CDK15: variants seen among roughly 807,000 people sequenced by gnomAD.
CDK15 encodes the protein cyclin dependent kinase 15.
CDK15 carries 62 observed loss-of-function variants against 60.3 expected under a neutral mutation model. The observed-to-expected ratio is 1.03, with a 90% CI of 0.84 to 1.27. The LOEUF is 1.27. Among genes scored for constraint, CDK15 ranks in the 50% most tolerant of loss-of-function variants. The pLI is 0.00. For synonymous variants in CDK15, 194 were observed against 195.7 expected (o/e 0.99, Z 0.07); for missense variants, 541 against 527.8 (o/e 1.03, Z -0.25).
At chr2:201,878,644 T>C (rs1699166903) in intron 11 of CDK15, among the ~76,000 whole-genome samples, 2 of 152,120 alleles carry the variant, frequency 1.3e-5, no homozygotes, top group Admixed American at 1.3e-4. Context: ...ATGTTATACC[T>C]GGGCTGCTAT....
intron 10 of CDK15, among the ~76,000 whole-genome samples, chr2:201,862,820 T>A (rs781034839): frequency 1.1e-4 from 16 of 152,192 alleles, no homozygotes; most frequent in Admixed American, 2.0e-4. Context: ...AGGGCAGATA[T>A]AATGATTTGG....
chr2:201,847,513 C>A (rs765015052), intron 9 of CDK15, 39 bp downstream of exon 9: 2 of 1,577,802 alleles, frequency 1.3e-6, no homozygotes, highest in South Asian at 2.2e-5. Flanking sequence ...GAAATATCTG[C>A]ATTTTAAGTT....
rs1409907026 is a variant in CDK15, at chr2:201,861,552, T to G, written c.1009+6615T>G. 1.1e-4 allele frequency: 64 copies of G among 564,116 alleles called. 1 individual carries two copies. The highest frequency in any genetic ancestry group is 1.1e-3 in the African/African-American group (39 of 34,534). 34.9% of individuals were successfully genotyped at this position (564,116 alleles called of 1,614,324 possible). On this transcript the variant is annotated intron_variant, in intron 10 of 13. Transcript: ENST00000652192. ...CCATTCAGTTTTTTTTGTTGGTTTG[T>G]TTTTTTTTTTTTCTTTTTTTTTTTT...
rs1699326069 is a variant in CDK15 at position 201,882,699 on chromosome 2, A to G, written c.1198+2532A>G. Among the ~76,000 whole-genome samples, 1 of 150,684 alleles carries G rather than the reference A, an allele frequency of 6.6e-6. No individual in the cohort carries two copies. The highest frequency in any genetic ancestry group is 2.4e-5 in the African/African-American group (1 of 41,012). ...CACGAGCATGTGTGTGTGCTTGTGT[A>G]TGTGTGTGACAGGGTGGTGGGTGTG... On this transcript the variant is annotated intron_variant, in intron 12 of 13. Coordinates refer to ENST00000652192, the MANE Select transcript of CDK15 (RefSeq NM_001366386.2). The surrounding 1 kb of genome is among the most constrained non-coding windows in gnomAD (Gnocchi z 4.0).
intron 1 of CDK15, among the ~76,000 whole-genome samples, chr2:201,807,101 AG>A (rs1330221310): frequency 3.9e-5 from 6 of 152,244 alleles, no homozygotes; most frequent in African/African-American, 1.4e-4. Flanking sequence ...CTGCAGTATT[AG>A]TTGGTATGCT....
At chr2:201,842,016 G>A (rs752705558) in intron 8 of CDK15, among the ~76,000 whole-genome samples, 16 of 152,056 alleles carry the variant, frequency 1.1e-4, no homozygotes, top group Non-Finnish European at 2.1e-4. Flanking sequence ...CATTCATCAC[G>A]ATTTTCAGGT....
chr2:201,833,213 G>T (rs1696835454), intron 6 of CDK15, among the ~76,000 whole-genome samples: 1 of 145,698 alleles, frequency 6.9e-6, no homozygotes, highest in Non-Finnish European at 1.5e-5. Flanking sequence ...TTTTTTTGAG[G>T]GGGGGGGTCT....
intron 10 of CDK15, among the ~76,000 whole-genome samples, chr2:201,868,200 TTA>T (rs1214816075): frequency 6.6e-6 from 1 of 152,124 alleles, no homozygotes; most frequent in African/African-American, 2.4e-5. Context: ...GAGAGGGATG[TTA>T]TGTCAGAAAG....
At chr2:201,818,760 C>T (rs1229860240) in intron 4 of CDK15, among the ~76,000 whole-genome samples, 1 of 152,044 alleles carries the variant, frequency 6.6e-6, no homozygotes, top group African/African-American at 2.4e-5. Flanking sequence ...TAGGAATGGC[C>T]ATAAAGCATA....
Position 201,882,199 on chromosome 2 carries a change from A to ATGTG in CDK15, c.1198+2047_1198+2050dup, listed in dbSNP as rs374708377. On this transcript the variant is annotated intron_variant, in intron 12 of 13. Coordinates refer to ENST00000652192, the MANE Select transcript of CDK15 (RefSeq NM_001366386.2). The surrounding 1 kb of genome is among the most constrained non-coding windows in gnomAD (Gnocchi z 4.0). ...TATGTGTGTATATGTGTGTGTGCGT[A>ATGTG]TGTGTGTGTGTGTGTGTGAGAGAGA... Among the ~76,000 whole-genome samples, 1 of 149,388 alleles carries ATGTG rather than the reference A, an allele frequency of 6.7e-6. No homozygotes were observed. The highest frequency in any genetic ancestry group is 6.7e-5 in the Admixed American group (1 of 14,956).
At chr2:201,867,412 A>G (rs1698676196) in intron 10 of CDK15, among the ~76,000 whole-genome samples, 1 of 152,074 alleles carries the variant, frequency 6.6e-6, no homozygotes, top group Non-Finnish European at 1.5e-5. Context: ...ATTGCTGGAA[A>G]CTGGAGTTTG....
At chr2:201,809,910 G>T (rs763445621) in intron 3 of CDK15, among the ~76,000 whole-genome samples, 1 of 152,056 alleles carries the variant, frequency 6.6e-6, no homozygotes, top group African/African-American at 2.4e-5. Context: ...CCTGGTTCAA[G>T]TGTTACCTTA....
At chr2:201,822,756 A>G in intron 4 of CDK15, 53 bp from the exon 5 acceptor site, 2 of 1,020,178 alleles carry the variant, frequency 2.0e-6, no homozygotes, top group South Asian at 2.7e-5. Flanking sequence ...ATATCTTTAG[A>G]GCAGCACTTT....
chr2:201,824,412 CT>C (rs67401294), intron 6 of CDK15: 91,792 of 152,788 alleles, frequency 0.6, 29,191 homozygotes, highest in Admixed American at 0.72. Context: ...GTACTTATTG[CT>C]GTAATAAGTT....
At chr2:201,884,662 T>G (rs1699395583) in intron 12 of CDK15, among the ~76,000 whole-genome samples, 1 of 152,238 alleles carries the variant, frequency 6.6e-6, no homozygotes, top group South Asian at 2.1e-4. Flanking sequence ...CAAATTCTGT[T>G]TCTCCCACTT....
chr2:201,867,837 C>A (rs1698693993), intron 10 of CDK15, among the ~76,000 whole-genome samples: 1 of 152,152 alleles, frequency 6.6e-6, no homozygotes, highest in African/African-American at 2.4e-5. Flanking sequence ...ACTTACTGAG[C>A]CCCTACGACT....
At chr2:201,860,277 G>C (rs1283615852) in intron 10 of CDK15, among the ~76,000 whole-genome samples, 5 of 152,174 alleles carry the variant, frequency 3.3e-5, no homozygotes, top group Admixed American at 2.6e-4. Flanking sequence ...CTCCACTAAT[G>C]GTTCCAAGTT....
At chr2:201,841,592 T>C (rs769202380) in intron 8 of CDK15, among the ~76,000 whole-genome samples, 10 of 152,232 alleles carry the variant, frequency 6.6e-5, no homozygotes, top group Non-Finnish European at 1.2e-4. Flanking sequence ...AATCCTATTC[T>C]GCTAGGCCAT....
At chr2:201,837,209 G>C (rs1319936221) in intron 8 of CDK15, among the ~76,000 whole-genome samples, 1 of 151,636 alleles carries the variant, frequency 6.6e-6, no homozygotes, top group African/African-American at 2.4e-5. Context: ...GATCTCCTGA[G>C]CCTGAGAAAT....
Sources: allele counts gnomAD v4.1 joint callset (sites outside exome capture counted in the v4.1 genomes callset), GRCh38; gene constraint gnomAD v4.1.1; non-coding constraint Gnocchi (gnomAD v3.1); transcripts MANE v1.5; gene names NCBI Gene and HGNC (gene_info 2026-07-23, HGNC 2026-07-21).